The following ZFHX4 variants were observed in gnomAD, a reference collection of about 807,000 sequenced individuals.
The protein encoded by ZFHX4 is zinc finger homeobox protein 4.
In ZFHX4, 56 loss-of-function variants were observed where a neutral mutation model predicts 267.6. The ratio of observed to expected loss-of-function variants is 0.21; its 90% CI spans 0.17 to 0.26. The LOEUF (loss-of-function observed/expected upper bound fraction) is 0.26, where lower values mean the gene tolerates loss of function less well. Ranked by LOEUF, ZFHX4 falls within the 10% of genes least tolerant of loss-of-function variation. The probability of loss-of-function intolerance (pLI) is 1.00; values close to 1 mark genes in which losing one functional copy is unlikely to be tolerated. For synonymous variants in ZFHX4, 1,778 were observed against 1,665.6 expected (o/e 1.07, Z -1.64); for missense variants, 4,332 against 4,420.0 (o/e 0.98, Z 0.56).
Position 76,849,562 on chromosome 8 carries a change from C to A in ZFHX4, c.3696C>A (p.Ile1232=). Residue 1232 remains isoleucine (I), a synonymous_variant, in exon 8 of 11, where the codon ATC becomes ATA. Coordinates refer to ENST00000651372, the MANE Select transcript of ZFHX4 (RefSeq NM_024721.5). Reference sequence around the variant, plus strand: ...ACAATAGTAGGGACCAAAGTCGTATCCAGATGCACGTCCTATCACAGCACT... The same window carrying A: ...ACAATAGTAGGGACCAAAGTCGTATACAGATGCACGTCCTATCACAGCACT... ...CNYNSRDQSR[I]QMHVLSQHSV... 6.2e-7 allele frequency: 1 copy of A among 1,613,954 alleles called. No homozygotes were observed. The highest frequency in any genetic ancestry group is 8.5e-7 in the Non-Finnish European group (1 of 1,179,858).
intron 4 of ZFHX4, among the ~76,000 whole-genome samples, chr8:76,810,983 T>A (rs1333510661): frequency 6.6e-6 from 1 of 152,150 alleles, no homozygotes; most frequent in Non-Finnish European, 1.5e-5. Context: ...TACTAGGCCA[T>A]CTCTGAATGA....
chr8:76,711,380 A>G (rs1244162260), intron 3 of ZFHX4, among the ~76,000 whole-genome samples: 1 of 152,192 alleles, frequency 6.6e-6, no homozygotes, highest in African/African-American at 2.4e-5. Flanking sequence ...AAGATTGCCC[A>G]TAATCTTTAC....
At chr8:76,806,743 G>T (rs2131837046) in intron 4 of ZFHX4, among the ~76,000 whole-genome samples, 1 of 152,174 alleles carries the variant, frequency 6.6e-6, no homozygotes. Context: ...TTCTTAAAGA[G>T]AATTTAGGTA....
chr8:76,794,033 C>T (rs1311223906), intron 4 of ZFHX4, among the ~76,000 whole-genome samples: 1 of 152,124 alleles, frequency 6.6e-6, no homozygotes, highest in East Asian at 1.9e-4. Flanking sequence ...GCCCAACAAG[C>T]ATTTTAAGTA....
intron 3 of ZFHX4, among the ~76,000 whole-genome samples, chr8:76,776,268 C>T (rs1246851299): frequency 9.3e-5 from 14 of 151,116 alleles, no homozygotes. Flanking sequence ...ACACGATTTA[C>T]ATGAGAAAAA....
chr8:76,845,382 G>A (rs533145254), intron 6 of ZFHX4, among the ~76,000 whole-genome samples: 71 of 152,094 alleles, frequency 4.7e-4, no homozygotes, highest in African/African-American at 1.6e-3. Context: ...AATGTAATAT[G>A]TCTCTGCCTT....
rs16939357 is a variant in ZFHX4, at chr8:76,778,327, T to C, written c.3213T>C (p.His1071=). ...NLVQHVRSVK[H]QQTEGLRKLQ... ...TACAACATGTCCGTTCGGTGAAGCA[T>C]CAGCAGACTGAGGGCCTACGGAAGC... Residue 1071 remains histidine (H), a synonymous_variant, in exon 4 of 11, where the codon CAT becomes CAC. Coordinates refer to ENST00000651372, the MANE Select transcript of ZFHX4 (RefSeq NM_024721.5). The C allele has an allele frequency of 0.19, 303,180 of 1,613,524 alleles. 36,798 individuals carry two copies. Among genetic ancestry groups the C allele is most frequent in the African/African-American group, 0.57 (42,998 of 74,874 alleles).
At chr8:76,792,092 A>G (rs1810853110) in intron 4 of ZFHX4, among the ~76,000 whole-genome samples, 1 of 152,166 alleles carries the variant, frequency 6.6e-6, no homozygotes. Context: ...ATAATCTGGA[A>G]GTTACAAATA....
chr8:76,808,086 T>C (rs1225650888), intron 4 of ZFHX4, among the ~76,000 whole-genome samples: 1 of 152,142 alleles, frequency 6.6e-6, no homozygotes, highest in Non-Finnish European at 1.5e-5. Flanking sequence ...AATATAATTA[T>C]TGTCTTTAAA....
In ZFHX4 at chr8:76,855,583, A is replaced by G; in HGVS notation, c.8662A>G (p.Ile2888Val). ...KDGDHDQSFY[I>V]TDDPDDNADR... ...TGGCGACCACGACCAAAGCTTTTAC[A>G]TCACAGATGACCCGGATGACAACGC... is the stretch of plus-strand genomic sequence containing the variant. Residue 2888 changes from isoleucine to valine, a missense_variant, in exon 10 of 11, where the codon ATC (isoleucine) becomes GTC (valine). Physicochemically the swap from Ile to Val is conservative, Grantham distance 29 (BLOSUM62 3). Transcript: ENST00000651372. The G allele has an allele frequency of 1.2e-6, 2 of 1,613,914 alleles. No individual in the cohort carries two copies. The highest frequency in any genetic ancestry group is 1.1e-5 in the South Asian group (1 of 91,084).
chr8:76,732,088 T>C (rs148983109), intron 3 of ZFHX4, among the ~76,000 whole-genome samples: 7,694 of 151,990 alleles, frequency 0.051, 400 homozygotes, highest in East Asian at 0.24. Context: ...GTGATCTGCC[T>C]GTCTCAGCCT....
chr8:76,850,013 AT>A (rs1812469173), intron 8 of ZFHX4: 1 of 572,092 alleles, frequency 1.7e-6, no homozygotes, highest in Non-Finnish European at 3.1e-6. Context: ...CATTATCATT[AT>A]AAAAAAATAA....
intron 4 of ZFHX4, among the ~76,000 whole-genome samples, chr8:76,814,497 G>A (rs75369555): frequency 0.016 from 2,366 of 152,080 alleles, 24 homozygotes; most frequent in Non-Finnish European, 0.024. Context: ...AAAATTATTC[G>A]TATGTACAGT....
chr8:76,849,065 A>C lies in ZFHX4; in HGVS notation c.3582A>C (p.Lys1194Asn). Reference sequence around the variant, plus strand: ...GTACCCAGCCACTCCTGCTGGCAAAAGAAGAGGATGTTGCAACAAAAAGGT... The same window carrying C: ...GTACCCAGCCACTCCTGCTGGCAAACGAAGAGGATGTTGCAACAAAAAGGT... Reference protein sequence around the residue: ...AGGTQPLLLAKEEDVATKRSK... With the variant: ...AGGTQPLLLANEEDVATKRSK... The change falls in exon 7 of 11, where the codon AAA becomes AAC. Residue 1194 changes from lysine to asparagine, a missense_variant. Transcript: ENST00000651372. 6.4e-7 allele frequency: 1 copy of C among 1,569,576 alleles called. No individual in the cohort carries two copies. Among genetic ancestry groups the C allele is most frequent in the Non-Finnish European group, 8.6e-7 (1 of 1,156,754 alleles).
At chr8:76,692,937 T>C (rs1807861140) in intron 1 of ZFHX4, among the ~76,000 whole-genome samples, 1 of 152,206 alleles carries the variant, frequency 6.6e-6, no homozygotes, top group African/African-American at 2.4e-5. Context: ...GCCCTGGACT[T>C]GACATTTCAT....
At chr8:76,688,531 A>C (rs909108302) in intron 1 of ZFHX4, among the ~76,000 whole-genome samples, 2 of 152,112 alleles carry the variant, frequency 1.3e-5, no homozygotes, top group African/African-American at 4.8e-5. Flanking sequence ...AGGTATTATA[A>C]GTTCACTCTT....
rs1808323348 is a variant in ZFHX4 at position 76,707,940 on chromosome 8, C to T, written c.2985C>T (p.Asn995=). 1 of 1,613,902 alleles carries T rather than the reference C, an allele frequency of 6.2e-7. No homozygotes were observed. Among genetic ancestry groups the T allele is most frequent in the South Asian group, 1.1e-5 (1 of 91,082 alleles). Residue 995 remains asparagine (N), a synonymous_variant, in exon 3 of 11, where the codon AAC becomes AAT. Transcript: ENST00000651372. The stretch of plus-strand genomic sequence containing the variant: ...GGTTGAAGTGTATTGCCATTGGCAA[C>T]CCTGTTCACCTAAAATGTAACGCCT... ...EWRLKCIAIG[N]PVHLKCNACD... is the part of the protein sequence containing the mutation.
rs115544819 is a variant in ZFHX4 at position 76,786,120 on chromosome 8, C to T, written c.3325+7681C>T. Among the ~76,000 whole-genome samples, 389 of 152,186 alleles carry T rather than the reference C, an allele frequency of 2.6e-3. 1 individual carries two copies. Among genetic ancestry groups the T allele is most frequent in the African/African-American group, 8.9e-3 (370 of 41,518 alleles). ...TTACACAGCTCCATTATTTCAGTAACAGAACTGACATTTGAAAAGCAGTCT... is the reference window on the plus strand; with the variant it reads ...TTACACAGCTCCATTATTTCAGTAATAGAACTGACATTTGAAAAGCAGTCT... On this transcript the variant is annotated intron_variant, in intron 4 of 10. Coordinates refer to ENST00000651372, the MANE Select transcript of ZFHX4 (RefSeq NM_024721.5).
intron 4 of ZFHX4, among the ~76,000 whole-genome samples, chr8:76,809,017 T>C (rs762940307): frequency 2.0e-5 from 3 of 151,982 alleles, no homozygotes; most frequent in Non-Finnish European, 4.4e-5. Context: ...TCCAGCCTCT[T>C]ATCTAGTGCA....
Sources: gnomAD v4.1 joint callset for allele counts (sites outside exome capture counted in the v4.1 genomes callset) on GRCh38, gnomAD v4.1.1 for gene constraint, MANE v1.5 for transcripts, NCBI Gene and HGNC (gene_info 2026-07-23, HGNC 2026-07-21) for gene names.